RFWD3: variants seen among roughly 807,000 people sequenced by gnomAD.
The protein encoded by RFWD3 is E3 ubiquitin-protein ligase RFWD3.
A neutral mutation model predicts 87.7 loss-of-function variants in RFWD3; 65 were observed. The observed-to-expected ratio is 0.74, with a 90% CI of 0.61 to 0.91. RFWD3 has a LOEUF of 0.91. Among genes scored for constraint, RFWD3 ranks in the 40% least tolerant of loss-of-function variants. The probability of loss-of-function intolerance (pLI) is 0.00; values close to 1 mark genes in which losing one functional copy is unlikely to be tolerated. For missense variants in RFWD3, 1,078 were observed against 938.5 expected (o/e 1.15, Z -1.94); for synonymous variants, 433 against 352.8 (o/e 1.23, Z -2.55).
intron 1 of RFWD3, among the ~76,000 whole-genome samples, chr16:74,666,020 T>C (rs1363975832): frequency 6.8e-6 from 1 of 146,694 alleles, no homozygotes; most frequent in Non-Finnish European, 1.5e-5. Flanking sequence ...TTTCTCTTTA[T>C]AACAGGAAAA....
intron 10 of RFWD3, 23 bp from the exon 11 acceptor site, chr16:74,628,689 G>C: frequency 1.2e-6 from 2 of 1,610,264 alleles, no homozygotes; most frequent in Non-Finnish European, 1.7e-6. Context: ...TAAGGAAACT[G>C]TATCTCACAC....
At position 74,651,975 on chromosome 16, in the gene RFWD3, T is replaced by C. The variant is rs760398245; in HGVS notation, c.666A>G (p.Ala222=). Residue 222 remains alanine (A), a synonymous_variant, in exon 3 of 13, where the codon GCA becomes GCG. Coordinates refer to ENST00000361070, the MANE Select transcript of RFWD3 (RefSeq NM_018124.4). ...CCTGGTCAACAACCCCTCCATACTC[T>C]GCAGAGCTGTCACTGTCAGAATCAG... The part of the protein sequence containing the change: ...SSSDSDSDSS[A]EYGGVVDQAE... The C allele has an allele frequency of 1.2e-6, 2 of 1,614,036 alleles. No homozygotes were observed. The highest frequency in any genetic ancestry group is 1.3e-5 in the African/African-American group (1 of 75,042).
chr16:74,660,719 C>G, intron 2 of RFWD3: 1 of 551,430 alleles, frequency 1.8e-6, no homozygotes, highest in Non-Finnish European at 3.2e-6. Context: ...TGCCAACAAA[C>G]TACCACCTAG....
At chr16:74,649,087 A>G in intron 4 of RFWD3, 45 bp downstream of exon 4, 2 of 1,324,996 alleles carry the variant, frequency 1.5e-6, no homozygotes, top group South Asian at 1.3e-5. Flanking sequence ...CTCTAAAAAT[A>G]AATAAATAAA....
intron 6 of RFWD3, among the ~76,000 whole-genome samples, chr16:74,642,431 T>C (rs1959741488): frequency 6.6e-6 from 1 of 152,130 alleles, no homozygotes. Context: ...GCCCTTCTAC[T>C]GAATCTATAA....
At position 74,624,090 on chromosome 16, in the gene RFWD3, G is replaced by A; in HGVS notation, c.2182-19C>T. 1 of 1,612,420 alleles carries A rather than the reference G, an allele frequency of 6.2e-7. No homozygotes were observed. Among genetic ancestry groups the A allele is most frequent in the Non-Finnish European group, 8.5e-7 (1 of 1,179,264 alleles). On this transcript the variant is annotated intron_variant, in intron 12 of 12. Transcript: ENST00000361070. ...CCCACAGCTAAAGAACACAAGCAGA[G>A]GGAAGGGTCAGGAGTCAGTCAGTAC...
At chr16:74,626,824 G>C (rs1010118518) in intron 11 of RFWD3, among the ~76,000 whole-genome samples, 14 of 152,212 alleles carry the variant, frequency 9.2e-5, no homozygotes, top group Admixed American at 2.6e-4. Flanking sequence ...ACAATTCTGT[G>C]AGTTGTCTGT....
Position 74,622,272 on chromosome 16 carries a change from T to A in RFWD3, c.*1656A>T, listed in dbSNP as rs975227311. On this transcript the variant is annotated 3_prime_UTR_variant, in exon 13 of 13. Transcript: ENST00000361070. Reference sequence around the variant, plus strand: ...TTAATCATTAACATATCAAAAGGAGTATCTCCTCTGAGAAAAGAGCTTTTC... The same window carrying A: ...TTAATCATTAACATATCAAAAGGAGAATCTCCTCTGAGAAAAGAGCTTTTC... 2.0e-5 allele frequency: 3 copies of A among 151,816 alleles called. No homozygotes were observed. The highest frequency in any genetic ancestry group is 4.4e-5 in the Non-Finnish European group (3 of 67,972). 9.4% of individuals were successfully genotyped at this position (151,816 alleles called of 1,614,324 possible).
rs1191645133 is a variant in RFWD3, at chr16:74,637,911, C to G, written c.1139G>C (p.Arg380Pro). 5.6e-6 allele frequency: 9 copies of G among 1,612,664 alleles called. No individual in the cohort carries two copies. The highest frequency in any genetic ancestry group is 7.6e-6 in the Non-Finnish European group (9 of 1,179,756). The change falls in exon 7 of 13, where the codon CGA becomes CCA. Residue 380 changes from arginine (R) to proline (P), a missense_variant. Transcript: ENST00000361070. ...ATCAGTGAGGACCTGCAGTTGGAGT[C>G]GGCACTGTGCTGATTCTAACTCGGC... ...KQAELESAQC[R>P]LQLQVLTDKC... is the part of the protein sequence containing the mutation.
intron 2 of RFWD3, among the ~76,000 whole-genome samples, chr16:74,657,843 G>A (rs1232822389): frequency 6.6e-6 from 1 of 152,132 alleles, no homozygotes; most frequent in Non-Finnish European, 1.5e-5. Flanking sequence ...GTGAACAGCA[G>A]CTATAGCTAC....
intron 6 of RFWD3, among the ~76,000 whole-genome samples, chr16:74,642,501 ATTTATC>A (rs1357975719): frequency 1.1e-4 from 16 of 149,924 alleles, no homozygotes; most frequent in Non-Finnish European, 1.8e-4. Context: ...TGGTCAACAG[ATTTATC>A]TTTATTTTTT....
At chr16:74,637,576 T>C (rs1959251355) in intron 7 of RFWD3, among the ~76,000 whole-genome samples, 1 of 152,128 alleles carries the variant, frequency 6.6e-6, no homozygotes, top group Non-Finnish European at 1.5e-5. Context: ...GAGGTTGCAG[T>C]GAGCCGAGAT....
intron 3 of RFWD3, 57 bp from the exon 4 acceptor site, chr16:74,649,259 A>C: frequency 7.9e-7 from 1 of 1,262,622 alleles, no homozygotes; most frequent in Non-Finnish European, 1.1e-6. Context: ...AAGATATGTC[A>C]GGTATGAGAA....
intron 6 of RFWD3, among the ~76,000 whole-genome samples, 191 bp from the exon 7 acceptor site, chr16:74,638,161 G>A (rs1262189270): frequency 1.3e-5 from 2 of 152,144 alleles, no homozygotes; most frequent in Admixed American, 6.6e-5. Context: ...GTGATGGTCA[G>A]GAATTTGACT....
intron 1 of RFWD3, among the ~76,000 whole-genome samples, chr16:74,665,976 G>C (rs1395855294): frequency 6.6e-6 from 1 of 152,076 alleles, no homozygotes; most frequent in Non-Finnish European, 1.5e-5. Context: ...GGGATTACAG[G>C]CCTGAGCCAC....
intron 6 of RFWD3, among the ~76,000 whole-genome samples, chr16:74,638,472 A>G (rs1311112669): frequency 6.6e-6 from 1 of 152,266 alleles, no homozygotes; most frequent in East Asian, 1.9e-4. Flanking sequence ...ATGTATCATA[A>G]AAGGACACAT....
At chr16:74,654,835 A>T (rs190353731) in intron 2 of RFWD3, among the ~76,000 whole-genome samples, 1 of 152,330 alleles carries the variant, frequency 6.6e-6, no homozygotes, top group African/African-American at 2.4e-5. Context: ...TGGAAAGAAG[A>T]TCAAACCAGC....
rs560734227 is a variant in RFWD3, at chr16:74,647,820, G to A, written c.792+1312C>T. Reference sequence around the variant, plus strand: ...TTGGCCAGGCTGGTCTTGAACTCCTGACCTCAGGTGATCCGCCCGCCTTGG... The same window carrying A: ...TTGGCCAGGCTGGTCTTGAACTCCTAACCTCAGGTGATCCGCCCGCCTTGG... On this transcript the variant is annotated intron_variant, in intron 4 of 12. Transcript: ENST00000361070. Among the ~76,000 whole-genome samples, 3 of 152,148 alleles carry A rather than the reference G, an allele frequency of 2.0e-5. No homozygotes were observed. In the East Asian group the frequency reaches 5.8e-4, roughly 29 times the overall value.
At chr16:74,629,961 A>G (rs757061135) in intron 10 of RFWD3, among the ~76,000 whole-genome samples, 7 of 152,230 alleles carry the variant, frequency 4.6e-5, no homozygotes, top group Non-Finnish European at 1.0e-4. Flanking sequence ...TCTCAATCTC[A>G]TAACTGGATT....
Sources: gnomAD v4.1 joint callset for allele counts (sites outside exome capture counted in the v4.1 genomes callset) on GRCh38, gnomAD v4.1.1 for gene constraint, MANE v1.5 for transcripts, NCBI Gene and HGNC (gene_info 2026-07-23, HGNC 2026-07-21) for gene names.